The following ADAMTS17 variants were observed in gnomAD, a reference collection of about 807,000 sequenced individuals.
The protein encoded by ADAMTS17 is A disintegrin and metalloproteinase with thrombospondin motifs 17.
In ADAMTS17, 113 loss-of-function variants were observed where a neutral mutation model predicts 141.5. The observed-to-expected ratio is 0.80, with a 90% CI of 0.69 to 0.93. The LOEUF is 0.93. Among genes scored for constraint, ADAMTS17 ranks in the 40% least tolerant of loss-of-function variants. The pLI is 0.00. For synonymous variants in ADAMTS17, 768 were observed against 630.6 expected (o/e 1.22, Z -3.27); for missense variants, 1,659 against 1,517.9 (o/e 1.09, Z -1.54).
chr15:100,088,649 C>T (rs1380370392), intron 15 of ADAMTS17, among the ~76,000 whole-genome samples: 1 of 151,182 alleles, frequency 6.6e-6, no homozygotes, highest in African/African-American at 2.5e-5. Context: ...GAGATATAGA[C>T]CAATGGAACA....
chr15:100,310,156 CCAA>C (rs1278645860), intron 3 of ADAMTS17, among the ~76,000 whole-genome samples: 1 of 152,152 alleles, frequency 6.6e-6, no homozygotes, highest in Non-Finnish European at 1.5e-5. Context: ...ACACTCTGCA[CCAA>C]CAAGATGATT....
At chr15:100,284,883 A>AGGTG (rs2044396633) in intron 3 of ADAMTS17, among the ~76,000 whole-genome samples, 1 of 152,248 alleles carries the variant, frequency 6.6e-6, no homozygotes. Context: ...GTCAAAGTGC[A>AGGTG]GGTGGGTGGG....
chr15:100,279,370 G>C (rs549025189), intron 4 of ADAMTS17, among the ~76,000 whole-genome samples: 1 of 152,266 alleles, frequency 6.6e-6, no homozygotes, highest in Admixed American at 6.5e-5. Context: ...CTGCACCTTC[G>C]CTAGACCTCA....
chr15:100,238,103 G>C (rs566350047), intron 7 of ADAMTS17, among the ~76,000 whole-genome samples: 6 of 152,332 alleles, frequency 3.9e-5, no homozygotes, highest in African/African-American at 1.4e-4. Flanking sequence ...TGGGGACCCT[G>C]CCTTTGCTCA....
intron 7 of ADAMTS17, among the ~76,000 whole-genome samples, chr15:100,201,120 G>C (rs1158455299): frequency 1.3e-5 from 2 of 152,246 alleles, no homozygotes; most frequent in Non-Finnish European, 2.9e-5. Context: ...AACTGGTGCA[G>C]AGTTCAGCCA....
At chr15:100,252,809 G>GA (rs1227560030) in intron 7 of ADAMTS17, among the ~76,000 whole-genome samples, 3 of 152,244 alleles carry the variant, frequency 2.0e-5, no homozygotes, top group Non-Finnish European at 4.4e-5. Context: ...GAGGACCGAT[G>GA]AAGTGTAATA....
intron 18 of ADAMTS17, among the ~76,000 whole-genome samples, chr15:100,003,101 T>C (rs1230370555): frequency 2.0e-5 from 3 of 151,812 alleles, no homozygotes; most frequent in Non-Finnish European, 4.4e-5. Context: ...AAAAACAAGC[T>C]CCACCTGCCG....
Position 100,320,839 on chromosome 15 carries a change from AG to A in ADAMTS17, c.616+10049del, listed in dbSNP as rs200322356. The stretch of plus-strand genomic sequence containing the variant: ...CAGAGCAAGACTCTGTCTCAAAAGA[AG>A]AAAAAAAGAGTAAAGGTAAAATAAA... On this transcript the variant is annotated intron_variant, in intron 3 of 21. Transcript: ENST00000268070. 6.8e-3 allele frequency among the ~76,000 whole-genome samples: 1,038 copies of A among 152,244 alleles called. 15 individuals carry two copies. Among genetic ancestry groups the A allele is most frequent in the African/African-American group, 0.024 (982 of 41,544 alleles).
intron 7 of ADAMTS17, among the ~76,000 whole-genome samples, chr15:100,204,991 T>C (rs9806532): frequency 0.054 from 8,177 of 152,242 alleles, 712 homozygotes; most frequent in African/African-American, 0.18. Context: ...TTGGTTTGTG[T>C]GTTGTAACGC....
intron 7 of ADAMTS17, among the ~76,000 whole-genome samples, chr15:100,231,738 G>A (rs757904011): frequency 4.6e-5 from 7 of 152,146 alleles, no homozygotes; most frequent in Non-Finnish European, 8.8e-5. Flanking sequence ...AACTCACTCA[G>A]TCTTGTCCAA....
Position 99,972,910 on chromosome 15 carries a change from AAG to A in ADAMTS17, c.*1490_*1491del, listed in dbSNP as rs1335630086. On this transcript the variant is annotated 3_prime_UTR_variant, in exon 22 of 22. Coordinates refer to ENST00000268070, the MANE Select transcript of ADAMTS17 (RefSeq NM_139057.4). ...AGAAACACAGCACCAATAAATCAAG[AAG>A]CACAGGGAGATGATCCCATGGAAGT... is the stretch of plus-strand genomic sequence containing the variant. 1.2e-4 allele frequency: 18 copies of A among 152,390 alleles called. No homozygotes were observed. Among genetic ancestry groups the A allele is most frequent in the African/African-American group, 3.6e-4 (15 of 41,572 alleles). The allele number at this position is 152,390 out of a possible 1,614,324, so 9.4% of individuals were successfully genotyped here. A position where few individuals can be genotyped will look rare whatever the true frequency, so the allele number is the denominator to read the frequency against.
At chr15:100,199,498 C>A in intron 7 of ADAMTS17, 75 bp from the exon 8 acceptor site, 1 of 1,190,930 alleles carries the variant, frequency 8.4e-7, no homozygotes, top group South Asian at 1.2e-5. Context: ...TCCGCACGGT[C>A]AACGTCATGC....
chr15:100,169,775 C>T (rs1293694960), intron 8 of ADAMTS17, among the ~76,000 whole-genome samples: 3 of 152,266 alleles, frequency 2.0e-5, no homozygotes, highest in South Asian at 2.1e-4. Context: ...GGTGGAAAGC[C>T]GGGGGCATCT....
At chr15:100,200,313 G>C (rs948327331) in intron 7 of ADAMTS17, among the ~76,000 whole-genome samples, 4 of 152,136 alleles carry the variant, frequency 2.6e-5, no homozygotes, top group African/African-American at 9.7e-5. Context: ...CTTTGGCAGA[G>C]GGACGCATAG....
chr15:100,121,349 G>A (rs2037443055), intron 12 of ADAMTS17, among the ~76,000 whole-genome samples: 1 of 152,148 alleles, frequency 6.6e-6, no homozygotes, highest in Non-Finnish European at 1.5e-5. Flanking sequence ...ATAAATCCAA[G>A]AAGCTCGAGA....
intron 13 of ADAMTS17, among the ~76,000 whole-genome samples, chr15:100,114,598 A>G (rs2036995486): frequency 6.6e-6 from 1 of 152,164 alleles, no homozygotes; most frequent in Admixed American, 6.5e-5. Context: ...CTCTCCTTCA[A>G]ACGCGAGATA....
At chr15:100,016,810 T>C (rs2061298884) in intron 18 of ADAMTS17, among the ~76,000 whole-genome samples, 1 of 152,020 alleles carries the variant, frequency 6.6e-6, no homozygotes, top group Non-Finnish European at 1.5e-5. Flanking sequence ...TTAGCTTTGG[T>C]GGTTTAGTAT....
intron 3 of ADAMTS17, among the ~76,000 whole-genome samples, chr15:100,320,246 T>C (rs1200174476): frequency 6.6e-6 from 1 of 151,772 alleles, no homozygotes; most frequent in Non-Finnish European, 1.5e-5. Flanking sequence ...ATATATCAAC[T>C]AGGAATTCCA....
At chr15:100,122,490 C>T (rs554901616) in intron 12 of ADAMTS17, among the ~76,000 whole-genome samples, 20 of 152,212 alleles carry the variant, frequency 1.3e-4, no homozygotes, top group Non-Finnish European at 2.1e-4. Flanking sequence ...AACATCAATG[C>T]GGGCCTCCTG....
Sources: allele counts gnomAD v4.1 joint callset (sites outside exome capture counted in the v4.1 genomes callset), GRCh38; gene constraint gnomAD v4.1.1; transcripts MANE v1.5; gene names NCBI Gene and HGNC (gene_info 2026-07-23, HGNC 2026-07-21).